Variants in SNED1 observed in about 807,000 individuals in gnomAD.
The protein encoded by SNED1 is sushi, nidogen and EGF-like domain-containing protein 1.
Under a neutral mutation model 166.7 loss-of-function variants are expected in SNED1, and 81 were observed. That is an observed-to-expected ratio of 0.49 (90% CI 0.41 to 0.58). The LOEUF is 0.58. Among genes scored for constraint, SNED1 ranks in the 20% least tolerant of loss-of-function variants. The pLI is 0.00. For missense variants in SNED1, 1,604 were observed against 2,000.2 expected (o/e 0.80, Z 3.78); for synonymous variants, 762 against 822.0 (o/e 0.93, Z 1.25).
intron 31 of SNED1, chr2:241,090,113 T>A (rs1411887009): frequency 6.7e-7 from 1 of 1,492,398 alleles, no homozygotes; most frequent in Non-Finnish European, 8.9e-7. Context: ...TTTTACTTTT[T>A]AACTCTTTTT....
intron 27 of SNED1, among the ~76,000 whole-genome samples, chr2:241,076,387 T>G (rs1371701823): frequency 2.6e-5 from 4 of 152,230 alleles, no homozygotes; most frequent in African/African-American, 9.6e-5. Context: ...TTATATAGTT[T>G]GATACTAGTA....
chr2:241,027,506 G>A (rs1180943773), intron 1 of SNED1, among the ~76,000 whole-genome samples: 1 of 152,180 alleles, frequency 6.6e-6, no homozygotes, highest in Non-Finnish European at 1.5e-5. Flanking sequence ...GAATAATAAT[G>A]CTATGAACAT....
At chr2:241,058,635 A>G (rs1265085841) in intron 16 of SNED1, among the ~76,000 whole-genome samples, 3 of 152,214 alleles carry the variant, frequency 2.0e-5, no homozygotes, top group Non-Finnish European at 2.9e-5. Flanking sequence ...CAATGAAACC[A>G]AAAGCTATTT....
rs996475913 is a variant in SNED1, at chr2:241,090,350, A to G, written c.*2-1288A>G. On this transcript the variant is annotated intron_variant, in intron 31 of 31. Transcript: ENST00000310397. ...TCCCAGTAACACACATGGAGCTGCC[A>G]CCTCCTGTGACAATGATGCCTTCTT... 28 of 1,550,022 alleles carry G rather than the reference A, an allele frequency of 1.8e-5. No individual in the cohort carries two copies. In the Admixed American group the frequency reaches 2.0e-4, roughly 11 times the overall value.
chr2:241,087,502 G>A lies in SNED1; in HGVS notation c.4205+27G>A, dbSNP rs372693537. The A allele has an allele frequency of 2.3e-5, 37 of 1,582,828 alleles. No homozygotes were observed. The African/African-American group carries it at 2.4e-4, about 10-fold the overall frequency. On this transcript the variant is annotated intron_variant, in intron 30 of 31. Coordinates refer to ENST00000310397, the MANE Select transcript of SNED1 (RefSeq NM_001080437.3). ...TGCCTCTGGGGAGCAGGCCCATGCC[G>A]TGTCCTGCATGTAGCCCACAGGGTG...
intron 4 of SNED1, 130 bp downstream of exon 4, chr2:241,034,860 C>T: frequency 2.9e-6 from 3 of 1,036,434 alleles, no homozygotes; most frequent in South Asian, 1.7e-5. Context: ...TCCAGCCCAG[C>T]CCACCTCAGG....
intron 27 of SNED1, among the ~76,000 whole-genome samples, chr2:241,081,043 C>T (rs577339719): frequency 1.3e-5 from 2 of 152,226 alleles, no homozygotes; most frequent in Non-Finnish European, 2.9e-5. Context: ...GTTGGTCAGG[C>T]TGCCAGCACT....
At chr2:241,072,761 G>A (rs539448261) in intron 26 of SNED1, 2 of 189,408 alleles carry the variant, frequency 1.1e-5, no homozygotes, top group African/African-American at 4.8e-5. Flanking sequence ...GGGGCCCGTT[G>A]TACTTGCAGC....
At chr2:241,026,529 A>G (rs2060976169) in intron 1 of SNED1, among the ~76,000 whole-genome samples, 1 of 151,948 alleles carries the variant, frequency 6.6e-6, no homozygotes, top group South Asian at 2.1e-4. Context: ...AAAATTCTGG[A>G]TAGTTTCTTC....
chr2:241,008,981 G>A (rs2060304540), intron 1 of SNED1, among the ~76,000 whole-genome samples: 2 of 152,250 alleles, frequency 1.3e-5, no homozygotes, highest in Admixed American at 1.3e-4. Context: ...CTCTGGGGTG[G>A]GTTGGAGGCG....
chr2:241,064,097 G>T lies in SNED1; in HGVS notation c.2571G>T (p.Glu857Asp). The change falls in exon 19 of 32, where the codon GAG becomes GAT. Residue 857 changes from glutamate (E) to aspartate (D), a missense_variant. Coordinates refer to ENST00000310397, the MANE Select transcript of SNED1 (RefSeq NM_001080437.3). The surrounding 1 kb of genome is among the most constrained non-coding windows in gnomAD (Gnocchi z 7.0). ...GGGCCTACCTGTGCGTCTGCCCAGA[G>T]AGCTTCTTCGGCTACCACTGCGAGA... ...GGGAYLCVCP[E>D]SFFGYHCETV... 1 of 1,567,120 alleles carries T rather than the reference G, an allele frequency of 6.4e-7. No individual in the cohort carries two copies.
intron 16 of SNED1, among the ~76,000 whole-genome samples, chr2:241,057,018 T>C (rs114827637): frequency 0.015 from 2,283 of 152,206 alleles, 52 homozygotes; most frequent in African/African-American, 0.053. Flanking sequence ...TAATTGGACA[T>C]TTTCTAAAAA....
intron 26 of SNED1, chr2:241,072,147 T>C (rs768648489): frequency 5.9e-6 from 4 of 682,510 alleles, no homozygotes; most frequent in Admixed American, 2.0e-5. Context: ...CAAGAGAAGA[T>C]AAACATTTTA....
upstream of SNED1, among the ~76,000 whole-genome samples, chr2:240,998,527 G>A (rs2059978922): frequency 6.6e-6 from 1 of 151,960 alleles, no homozygotes; most frequent in African/African-American, 2.4e-5. Context: ...CACGGGGCCT[G>A]GCGCTTTAAG....
rs1408780045 is a variant in SNED1, at chr2:241,069,192, T to G, written c.3307+169T>G. On this transcript the variant is annotated intron_variant, in intron 23 of 31. Transcript: ENST00000310397. The surrounding 1 kb of genome is among the most constrained non-coding windows in gnomAD (Gnocchi z 4.9). ...GGCCACTGGGCAGGAGCCGCTGGGC[T>G]GGGCTGGGCCCTTGTGCTGGGACAG... Among the ~76,000 whole-genome samples the G allele has an allele frequency of 6.6e-6, 1 of 152,194 alleles. No individual in the cohort carries two copies.
intron 1 of SNED1, among the ~76,000 whole-genome samples, chr2:241,016,766 A>G (rs1199061251): frequency 6.6e-6 from 1 of 151,996 alleles, no homozygotes; most frequent in Admixed American, 6.6e-5. Flanking sequence ...GAAAATTTTG[A>G]ATATTCATTC....
At chr2:241,089,873 GTGT>G in intron 31 of SNED1, 1 of 1,481,750 alleles carries the variant, frequency 6.7e-7, no homozygotes, top group Non-Finnish European at 9.0e-7. Context: ...ACACCACAGC[GTGT>G]TACTGAATAC....
intron 8 of SNED1, among the ~76,000 whole-genome samples, chr2:241,046,945 C>A (rs1274971236): frequency 6.6e-6 from 1 of 151,986 alleles, no homozygotes; most frequent in Non-Finnish European, 1.5e-5. Flanking sequence ...GAGATCAAGA[C>A]CATCCTGGCC....
Position 241,094,578 on chromosome 2 carries a change from C to T in SNED1, c.*2942C>T, listed in dbSNP as rs988860992. ...TATTTTTCTTTTAAATAAAATAATA[C>T]GATCCTAAGTCCATTTACCATCTGA... On this transcript the variant is annotated 3_prime_UTR_variant, in exon 32 of 32. Transcript: ENST00000310397. The surrounding 1 kb of genome is among the most constrained non-coding windows in gnomAD (Gnocchi z 4.3). 4.2e-5 allele frequency: 15 copies of T among 360,472 alleles called. No homozygotes were observed. Among genetic ancestry groups the T allele is most frequent in the South Asian group, 8.5e-5 (4 of 46,932 alleles). The allele number at this position is 360,472 out of a possible 1,614,324, so 22.3% of individuals were successfully genotyped here. A position where few individuals can be genotyped will look rare whatever the true frequency, so the allele number is the denominator to read the frequency against.
Sources: gnomAD v4.1 joint callset for allele counts (sites outside exome capture counted in the v4.1 genomes callset) on GRCh38, gnomAD v4.1.1 for gene constraint, Gnocchi (gnomAD v3.1) non-coding constraint, MANE v1.5 for transcripts, NCBI Gene and HGNC (gene_info 2026-07-23, HGNC 2026-07-21) for gene names.